TAS2R1: variants seen among roughly 807,000 people sequenced by gnomAD.
TAS2R1 encodes taste receptor type 2 member 1.
For missense variants in TAS2R1, 370 were observed against 353.4 expected (o/e 1.05, Z -0.38); for synonymous variants, 141 against 134.2 (o/e 1.05, Z -0.35).
At chr5:9,899,397 G>A in the TAS2R1 span, among the ~76,000 whole-genome samples, 1 of 152,176 alleles carries the variant, frequency 6.6e-6, no homozygotes, top group Admixed American at 6.5e-5. Context: ...AGCACTTTGG[G>A]AAGCTGAGGT....
the TAS2R1 span, among the ~76,000 whole-genome samples, chr5:9,746,317 G>T: frequency 5.3e-5 from 8 of 152,144 alleles, no homozygotes; most frequent in African/African-American, 1.7e-4. Flanking sequence ...CACTATTGCT[G>T]GGAATGTAAA....
intron 1 of TAS2R1, among the ~76,000 whole-genome samples, chr5:9,701,225 C>T (rs1248966468): frequency 1.7e-4 from 1 of 5,988 alleles, no homozygotes; most frequent in South Asian, 6.8e-3. Context: ...CACGCAGACA[C>T]ACACACACAC....
upstream of TAS2R1, among the ~76,000 whole-genome samples, chr5:9,716,988 A>C (rs549046177): frequency 1.3e-5 from 2 of 152,334 alleles, no homozygotes; most frequent in Admixed American, 6.5e-5. Flanking sequence ...ATTGCCTGAA[A>C]GTAACAAATT....
intron 2 of TAS2R1, among the ~76,000 whole-genome samples, chr5:9,655,471 T>C (rs1050712472): frequency 4.6e-5 from 7 of 152,098 alleles, no homozygotes; most frequent in Admixed American, 1.3e-4. Flanking sequence ...ATTTAATTAA[T>C]TTAGAGAGAA....
chr5:9,784,631 G>A, the TAS2R1 span, among the ~76,000 whole-genome samples: 5 of 152,296 alleles, frequency 3.3e-5, no homozygotes, highest in South Asian at 1.0e-3. Context: ...GAAATGTATT[G>A]CCTCTCAGTC....
At chr5:9,784,883 C>T in the TAS2R1 span, among the ~76,000 whole-genome samples, 2 of 152,172 alleles carry the variant, frequency 1.3e-5, no homozygotes, top group Non-Finnish European at 2.9e-5. Flanking sequence ...GACCTCATCT[C>T]AACTTAACTA....
the TAS2R1 span, among the ~76,000 whole-genome samples, chr5:9,800,605 G>A: frequency 6.6e-6 from 1 of 152,186 alleles, no homozygotes; most frequent in African/African-American, 2.4e-5. Context: ...AAGTGCCTGT[G>A]TATAGAGTGA....
chr5:9,877,716 G>T, the TAS2R1 span, among the ~76,000 whole-genome samples: 10 of 152,242 alleles, frequency 6.6e-5, no homozygotes, highest in African/African-American at 2.2e-4. Flanking sequence ...AGAGCCGAGA[G>T]AAATTAAACA....
chr5:9,695,354 G>A (rs1169566835), intron 1 of TAS2R1, among the ~76,000 whole-genome samples: 2 of 152,038 alleles, frequency 1.3e-5, no homozygotes, highest in African/African-American at 4.8e-5. Context: ...AAAAAATCTT[G>A]GATGAAGTCC....
chr5:9,677,620 T>C (rs1487650063), intron 1 of TAS2R1, among the ~76,000 whole-genome samples: 1 of 152,178 alleles, frequency 6.6e-6, no homozygotes, highest in Non-Finnish European at 1.5e-5. Context: ...TAAAACATTA[T>C]GTTACTACTA....
the TAS2R1 span, among the ~76,000 whole-genome samples, chr5:9,717,579 C>T: frequency 2.7e-3 from 411 of 151,676 alleles, 3 homozygotes; most frequent in Middle Eastern, 0.034. Flanking sequence ...GGGATAATAC[C>T]GCTACCAGAT....
the TAS2R1 span, among the ~76,000 whole-genome samples, chr5:9,718,125 AT>A: frequency 0.051 from 7,111 of 138,700 alleles, 164 homozygotes; most frequent in Middle Eastern, 0.08. Flanking sequence ...ATGCCCAGCA[AT>A]TTTTTTTTTT....
At chr5:9,633,294 T>TTTTATATA (rs1554051825), upstream of TAS2R1, among the ~76,000 whole-genome samples, 39 of 67,824 alleles carry the variant, frequency 5.8e-4, no homozygotes, top group African/African-American at 1.6e-3. Flanking sequence ...TGTGTGTATA[T>TTTTATATA]TATATATATA....
At chr5:9,886,174 G>A in the TAS2R1 span, among the ~76,000 whole-genome samples, 2 of 151,834 alleles carry the variant, frequency 1.3e-5, no homozygotes, top group African/African-American at 4.8e-5. Flanking sequence ...TGGGACTACA[G>A]GTGCATGCTG....
chr5:9,872,957 T>C, the TAS2R1 span, among the ~76,000 whole-genome samples: 2 of 152,174 alleles, frequency 1.3e-5, no homozygotes, highest in African/African-American at 2.4e-5. Context: ...ATTGCAATCA[T>C]TTTTTTGAGG....
At position 9,629,382 on chromosome 5, in the gene TAS2R1, A is replaced by G. The variant is rs572055823; in HGVS notation, c.651T>C (p.Val217=). Reference sequence around the variant, plus strand: ...CGCTGATGGGTGCACCCCTGCCAGGAACCCTGCTGCCGGCCACTGTGTTTC... The same window carrying G: ...CGCTGATGGGTGCACCCCTGCCAGGGACCCTGCTGCCGGCCACTGTGTTTC... The part of the protein sequence containing the change: ...QMRNTVAGSR[V]PGRGAPISAL... The change falls in exon 1 of 1, where the codon GTT becomes GTC. Residue 217 remains valine, a synonymous_variant. Transcript: ENST00000382492. The G allele has an allele frequency of 3.7e-6, 6 of 1,614,182 alleles. No homozygotes were observed. The highest frequency in any genetic ancestry group is 3.3e-5 in the Admixed American group (2 of 60,012).
the TAS2R1 span, among the ~76,000 whole-genome samples, chr5:9,756,877 A>G: frequency 7.9e-5 from 12 of 152,336 alleles, no homozygotes; most frequent in African/African-American, 2.9e-4. Flanking sequence ...TTTTGAAATA[A>G]ACATAAAAGA....
the TAS2R1 span, among the ~76,000 whole-genome samples, chr5:9,760,093 C>G: frequency 6.6e-6 from 1 of 152,164 alleles, no homozygotes. Flanking sequence ...ACCCACAAAT[C>G]TGATAACTTG....
At chr5:9,787,121 C>T in the TAS2R1 span, among the ~76,000 whole-genome samples, 15 of 152,304 alleles carry the variant, frequency 9.8e-5, 1 homozygote, top group South Asian at 2.9e-3. Flanking sequence ...CATGCATTCC[C>T]ATCACCTAGC....
Sources: allele counts gnomAD v4.1 joint callset (sites outside exome capture counted in the v4.1 genomes callset), GRCh38; gene constraint gnomAD v4.1.1; transcripts MANE v1.5; gene names NCBI Gene and HGNC (gene_info 2026-07-23, HGNC 2026-07-21).